The following GNAS-AS1 variants were observed in gnomAD, a reference collection of about 807,000 sequenced individuals.
GNAS-AS1 encodes the protein GNAS antisense RNA 1, also known as GNAS antisense RNA 1 (non-protein coding).
rs199534645 is a variant in GNAS-AS1, at chr20:58,840,470, G to A, written n.819+1467C>T. ...CGAGACCGAGTCCGAAATCGAGTCC[G>A]AGACCGACTTCGAGACCGAGCCTGA... On this transcript the variant is annotated intron_variant and non_coding_transcript_variant, in intron 4 of 4. Coordinates refer to ENST00000424094, the Ensembl canonical transcript of GNAS-AS1. This position sits in a 1 kb window ranked among gnomAD's most constrained non-coding sequence, Gnocchi z 6.0. 2.7e-5 allele frequency: 44 copies of A among 1,613,466 alleles called. No homozygotes were observed. Among genetic ancestry groups the A allele is most frequent in the Non-Finnish European group, 1.3e-5 (15 of 1,179,972 alleles).
intron 1 of GNAS-AS1, among the ~76,000 whole-genome samples, chr20:58,849,746 A>G (rs552750509): frequency 1.4e-4 from 22 of 152,262 alleles, no homozygotes; most frequent in African/African-American, 4.8e-4. Flanking sequence ...ACCCCTCTTG[A>G]GTGCCGTCCT....
chr20:58,833,036 C>T (rs1335315844), intron 4 of GNAS-AS1, among the ~76,000 whole-genome samples: 3 of 152,266 alleles, frequency 2.0e-5, no homozygotes, highest in East Asian at 3.8e-4. Flanking sequence ...CCATCTCCAC[C>T]AGGTGCCCAG....
intron 4 of GNAS-AS1, among the ~76,000 whole-genome samples, chr20:58,830,410 ACCATCACCACCACCG>A: frequency 9.7e-6 from 1 of 103,346 alleles, no homozygotes; most frequent in East Asian, 3.3e-4. Flanking sequence ...CTGCCACACC[ACCATCACCACCACCG>A]CCACACCACC....
chr20:58,832,340 C>A (rs1160237006), intron 4 of GNAS-AS1, among the ~76,000 whole-genome samples: 1 of 152,202 alleles, frequency 6.6e-6, no homozygotes, highest in Non-Finnish European at 1.5e-5. Flanking sequence ...AGAGGCCATA[C>A]TTCTGGCTTA....
At chr20:58,826,544 C>T (rs903500489) in intron 4 of GNAS-AS1, among the ~76,000 whole-genome samples, 71 of 152,232 alleles carry the variant, frequency 4.7e-4, no homozygotes, top group African/African-American at 1.6e-3. Flanking sequence ...TGGCCATTCC[C>T]GGCTTAAACT....
In GNAS-AS1 at chr20:58,840,947, A is replaced by G; in HGVS notation, n.819+990T>C. The stretch of plus-strand genomic sequence containing the variant: ...GCGGTGTGGGAGCAGCGCAGGTGGA[A>G]AGGAGGTGAGAAGGAAAGGCAGGTC... On this transcript the variant is annotated intron_variant and non_coding_transcript_variant, in intron 4 of 4. Coordinates refer to ENST00000424094, the Ensembl canonical transcript of GNAS-AS1. The surrounding 1 kb of genome is among the most constrained non-coding windows in gnomAD (Gnocchi z 6.0). The G allele has an allele frequency of 1.3e-6, 2 of 1,565,768 alleles. No homozygotes were observed. The highest frequency in any genetic ancestry group is 2.3e-5 in the South Asian group (2 of 87,878).
chr20:58,830,654 T>TCAC (rs1228264337), intron 4 of GNAS-AS1, among the ~76,000 whole-genome samples: 22 of 57,804 alleles, frequency 3.8e-4, no homozygotes, highest in African/African-American at 1.4e-3. Context: ...CACACCACCA[T>TCAC]CACCACCACC....
At chr20:58,819,946 C>T (rs765608041) in intron 4 of GNAS-AS1, among the ~76,000 whole-genome samples, 2 of 152,224 alleles carry the variant, frequency 1.3e-5, no homozygotes, top group Non-Finnish European at 2.9e-5. Flanking sequence ...GGTCCTCGCA[C>T]CCCGCCCCAG....
At position 58,840,169 on chromosome 20, in the gene GNAS-AS1, C is replaced by T. The variant is rs772759887; in HGVS notation, n.819+1768G>A. The T allele has an allele frequency of 6.2e-7, 1 of 1,611,660 alleles. No homozygotes were observed. Among genetic ancestry groups the T allele is most frequent in the South Asian group, 1.1e-5 (1 of 91,066 alleles). Reference sequence around the variant, plus strand: ...CTCGCCATAATTACAACGACCTGTGCCCGCCCATAGGCCGCCGGGCAGCCA... The same window carrying T: ...CTCGCCATAATTACAACGACCTGTGTCCGCCCATAGGCCGCCGGGCAGCCA... On this transcript the variant is annotated intron_variant and non_coding_transcript_variant, in intron 4 of 4. Transcript: ENST00000424094. This position sits in a 1 kb window ranked among gnomAD's most constrained non-coding sequence, Gnocchi z 6.0.
At chr20:58,834,251 A>C (rs2085587115) in intron 4 of GNAS-AS1, 1 of 152,318 alleles carries the variant, frequency 6.6e-6, no homozygotes, top group Admixed American at 6.5e-5. Context: ...CAAAGCTATG[A>C]GCCGAGAGCT....
chr20:58,819,182 G>A (rs1027370230), exon 5 of GNAS-AS1: 2 of 398,518 alleles, frequency 5.0e-6, no homozygotes, highest in Non-Finnish European at 8.8e-6. Flanking sequence ...CAGGAACGTG[G>A]CACTAATGAG....
chr20:58,823,316 C>T (rs890963118), intron 4 of GNAS-AS1, among the ~76,000 whole-genome samples: 6 of 152,256 alleles, frequency 3.9e-5, no homozygotes, highest in Middle Eastern at 3.2e-3. Flanking sequence ...AACACGGGGC[C>T]ACTGGAACCC....
intron 4 of GNAS-AS1, among the ~76,000 whole-genome samples, chr20:58,822,716 G>A (rs973742823): frequency 6.6e-5 from 10 of 152,172 alleles, no homozygotes; most frequent in African/African-American, 2.4e-4. Context: ...GGTGCTGCTT[G>A]TTCTTACTTA....
chr20:58,821,248 T>C (rs1452213910), intron 4 of GNAS-AS1, among the ~76,000 whole-genome samples: 1 of 152,134 alleles, frequency 6.6e-6, no homozygotes, highest in Non-Finnish European at 1.5e-5. Context: ...CTTTCCCACC[T>C]CAGGGCCCTT....
intron 1 of GNAS-AS1, among the ~76,000 whole-genome samples, chr20:58,850,102 C>G (rs2086097834): frequency 6.6e-6 from 1 of 152,138 alleles, no homozygotes; most frequent in Non-Finnish European, 1.5e-5. Flanking sequence ...ATCCTTTGTT[C>G]GTGGTGGGCA....
At chr20:58,837,744 A>C (rs1232523845) in intron 4 of GNAS-AS1, among the ~76,000 whole-genome samples, 1 of 152,164 alleles carries the variant, frequency 6.6e-6, no homozygotes, top group Non-Finnish European at 1.5e-5. Context: ...TGCCCAGCCC[A>C]ATCACTATTT....
chr20:58,850,730 C>T (rs2086126485), exon 1 of GNAS-AS1: 5 of 398,764 alleles, frequency 1.3e-5, no homozygotes, highest in Admixed American at 8.8e-5. Flanking sequence ...AGGGTTGGCC[C>T]CTGGGACCCC....
intron 4 of GNAS-AS1, among the ~76,000 whole-genome samples, chr20:58,819,838 G>C (rs13042402): frequency 2.0e-5 from 3 of 151,974 alleles, no homozygotes. Flanking sequence ...CCTTTGTCAC[G>C]GACAAAAAAC....
intron 4 of GNAS-AS1, among the ~76,000 whole-genome samples, chr20:58,821,621 C>A (rs2085487812): frequency 6.6e-6 from 1 of 152,074 alleles, no homozygotes. Context: ...GCAGGCTGTG[C>A]AAGTATGGCT....
Sources: allele counts gnomAD v4.1 joint callset (sites outside exome capture counted in the v4.1 genomes callset), GRCh38; gene constraint gnomAD v4.1.1; non-coding constraint Gnocchi (gnomAD v3.1); transcripts MANE v1.5; gene names NCBI Gene and HGNC (gene_info 2026-07-23, HGNC 2026-07-21).